TAF5: variants seen among roughly 807,000 people sequenced by gnomAD.
The protein encoded by TAF5 is TATA-box binding protein associated factor 5.
A neutral mutation model predicts 80.9 loss-of-function variants in TAF5; 20 were observed. The observed-to-expected ratio is 0.25, with a 90% CI of 0.17 to 0.36. The LOEUF (loss-of-function observed/expected upper bound fraction) is 0.36, where lower values mean the gene tolerates loss of function less well. Ranked by LOEUF, TAF5 falls within the 10% of genes least tolerant of loss-of-function variation. TAF5 has a pLI of 1.00. For synonymous variants in TAF5, 388 were observed against 406.4 expected (o/e 0.95, Z 0.55); for missense variants, 863 against 1,029.4 (o/e 0.84, Z 2.21).
intron 6 of TAF5, among the ~76,000 whole-genome samples, 160 bp from the exon 7 acceptor site, chr10:103,383,078 G>A (rs756636816): frequency 2.0e-5 from 3 of 152,156 alleles, no homozygotes; most frequent in South Asian, 2.1e-4. Context: ...TCTCTTACAC[G>A]CTGAGATGAT....
chr10:103,381,889 C>T (rs542473463), intron 6 of TAF5, 48 bp downstream of exon 6: 275 of 1,608,112 alleles, frequency 1.7e-4, no homozygotes, highest in Non-Finnish European at 2.2e-4. Flanking sequence ...TAGTCTATAC[C>T]AATCTTGATT....
chr10:103,383,168 T>C (rs1332526531), intron 6 of TAF5, 70 bp from the exon 7 acceptor site: 1 of 1,397,962 alleles, frequency 7.2e-7, no homozygotes, highest in Non-Finnish European at 9.6e-7. Flanking sequence ...TCTCCTGCAC[T>C]GTGATATGAT....
rs2093376945 is a variant in TAF5 at position 103,379,351 on chromosome 10, G to A, written c.1114-257G>A. Among the ~76,000 whole-genome samples the A allele has an allele frequency of 2.6e-5, 4 of 152,256 alleles. No individual in the cohort carries two copies. The South Asian group carries it at 8.3e-4, about 32-fold the overall frequency. The stretch of plus-strand genomic sequence containing the variant: ...TATTTTTTTGATACAACCATACCCA[G>A]TATACTTATATGGACATTCCTAGCT... On this transcript the variant is annotated intron_variant, in intron 3 of 10. Transcript: ENST00000369839.
rs769037968 is a variant in TAF5, at chr10:103,383,495, A to G, written c.1664+128A>G. 154 of 928,600 alleles carry G rather than the reference A, an allele frequency of 1.7e-4. 2 individuals are homozygous for G. The highest frequency in any genetic ancestry group is 2.3e-4 in the Non-Finnish European group (149 of 659,106). The allele number at this position is 928,600 out of a possible 1,614,324, so 57.5% of individuals were successfully genotyped here. ...AAAATCTCATGGTTGTCTGACGTTC[A>G]TCATCTTTTAGAATCTTGCCATTTG... On this transcript the variant is annotated intron_variant, in intron 7 of 10. Transcript: ENST00000369839.
chr10:103,373,601 T>C lies in TAF5; in HGVS notation c.797+6T>C, dbSNP rs1158347209. The C allele has an allele frequency of 6.2e-7, 1 of 1,600,468 alleles. No homozygotes were observed. The highest frequency in any genetic ancestry group is 2.2e-5 in the East Asian group (1 of 44,738). Reference sequence around the variant, plus strand: ...GCAAAGTCATTCTTTGAGAAGTATGTAAATTTTTACATATATATATATACA... The same window carrying C: ...GCAAAGTCATTCTTTGAGAAGTATGCAAATTTTTACATATATATATATACA... On this transcript the variant is annotated splice_donor_region_variant and intron_variant, in intron 2 of 10. Coordinates refer to ENST00000369839, the MANE Select transcript of TAF5 (RefSeq NM_006951.5).
chr10:103,368,690 C>G, intron 1 of TAF5, 142 bp downstream of exon 1: 2 of 1,177,084 alleles, frequency 1.7e-6, no homozygotes, highest in Admixed American at 3.4e-5. Context: ...GCCCCTTTCT[C>G]TAGTGCGCGG....
chr10:103,370,254 A>G (rs572450422), intron 1 of TAF5, among the ~76,000 whole-genome samples: 6 of 151,074 alleles, frequency 4.0e-5, no homozygotes, highest in Admixed American at 2.6e-4. Flanking sequence ...TTTTTTTTAC[A>G]TTAATATTGT....
intron 7 of TAF5, among the ~76,000 whole-genome samples, chr10:103,385,064 C>G (rs2093392667): frequency 6.6e-6 from 1 of 151,908 alleles, no homozygotes; most frequent in Non-Finnish European, 1.5e-5. Flanking sequence ...CTGATTTTCC[C>G]TAAGTTTTTG....
rs753251948 is a variant in TAF5 at position 103,385,311 on chromosome 10, C to CTTCT, written c.1665-14_1665-11dup. ...TTACTCTGGGAGTCAAATATATCACCTTCTCTTCTCTCAGGAACTATCTGC... is the reference window on the plus strand; with the variant it reads ...TTACTCTGGGAGTCAAATATATCACCTTCTTTCTCTTCTCTCAGGAACTATCTGC... On this transcript the variant is annotated splice_polypyrimidine_tract_variant and intron_variant, in intron 7 of 10. Transcript: ENST00000369839. 6.3e-7 allele frequency: 1 copy of CTTCT among 1,592,576 alleles called. No homozygotes were observed. The highest frequency in any genetic ancestry group is 1.1e-5 in the South Asian group (1 of 89,140).
chr10:103,387,770 A>C lies in TAF5; in HGVS notation c.2185+72A>C, dbSNP rs537503529. The C allele has an allele frequency of 3.5e-6, 5 of 1,440,216 alleles. No homozygotes were observed. The African/African-American group carries it at 5.7e-5, about 16-fold the overall frequency. The allele number at this position is 1,440,216 out of a possible 1,614,324, so 89.2% of individuals were successfully genotyped here. A position where few individuals can be genotyped will look rare whatever the true frequency, so the allele number is the denominator to read the frequency against. ...AACAGTGTTGACGACTGCAATACTA[A>C]GTCCTTATGTTTTAGGTTTTACTTC... On this transcript the variant is annotated intron_variant, in intron 10 of 10. Transcript: ENST00000369839.
intron 1 of TAF5, among the ~76,000 whole-genome samples, chr10:103,370,446 C>T (rs1401170403): frequency 6.7e-6 from 1 of 150,222 alleles, no homozygotes; most frequent in Non-Finnish European, 1.5e-5. Flanking sequence ...CTGCCTCAGC[C>T]TCCCGAGTAG....
chr10:103,377,932 C>T (rs1009319940), intron 2 of TAF5, among the ~76,000 whole-genome samples: 8 of 152,078 alleles, frequency 5.3e-5, no homozygotes, highest in Non-Finnish European at 1.2e-4. Flanking sequence ...TAAATGTCTC[C>T]ATTCTAAAGA....
At position 103,368,125 on chromosome 10, in the gene TAF5, G is replaced by T; in HGVS notation, c.136G>T (p.Gly46Cys). The T allele has an allele frequency of 1.4e-6, 2 of 1,399,630 alleles. No individual in the cohort carries two copies. The allele number at this position is 1,399,630 out of a possible 1,614,324, so 86.7% of individuals were successfully genotyped here. Reference sequence around the variant, plus strand: ...CGGCACTACCAACAACGGCCCCAACGGCGGCGGCGGGAACGTTGCGGCGTC... The same window carrying T: ...CGGCACTACCAACAACGGCCCCAACTGCGGCGGCGGGAACGTTGCGGCGTC... The part of the protein sequence containing the change: ...SGGTTNNGPN[G>C]GGGNVAASSS... The change falls in exon 1 of 11, where the codon GGC becomes TGC. Residue 46 changes from glycine (G) to cysteine (C), a missense_variant. Transcript: ENST00000369839.
chr10:103,380,169 G>A (rs559734774), intron 5 of TAF5, 150 bp downstream of exon 5: 25 of 957,078 alleles, frequency 2.6e-5, no homozygotes, highest in Middle Eastern at 5.5e-4. Flanking sequence ...TCGCTCTGTC[G>A]CCCAGCTGGA....
intron 5 of TAF5, among the ~76,000 whole-genome samples, chr10:103,380,465 A>C (rs570869768): frequency 6.6e-6 from 1 of 152,230 alleles, no homozygotes; most frequent in Non-Finnish European, 1.5e-5. Context: ...GCATTCAGGA[A>C]GAGAGAATTG....
chr10:103,387,407 T>C, intron 9 of TAF5, 55 bp downstream of exon 9: 1 of 1,556,878 alleles, frequency 6.4e-7, no homozygotes, highest in Non-Finnish European at 8.7e-7. Context: ...AATAAAAATA[T>C]TTTTTAAACA....
chr10:103,375,499 T>A (rs914680973), intron 2 of TAF5, among the ~76,000 whole-genome samples: 2 of 152,212 alleles, frequency 1.3e-5, no homozygotes, highest in African/African-American at 4.8e-5. Context: ...CTGATTTGAA[T>A]ATGCCTTTGA....
intron 6 of TAF5, 72 bp downstream of exon 6, chr10:103,381,913 A>G: frequency 6.3e-7 from 1 of 1,576,344 alleles, no homozygotes; most frequent in Non-Finnish European, 8.7e-7. Context: ...TGGAAAATAC[A>G]CAGGAGATTG....
chr10:103,368,085 A>C lies in TAF5; in HGVS notation c.96A>C (p.Ala32=). 7.0e-7 allele frequency: 1 copy of C among 1,427,004 alleles called. No individual in the cohort carries two copies. The highest frequency in any genetic ancestry group is 9.2e-7 in the Non-Finnish European group (1 of 1,092,198). The allele number at this position is 1,427,004 out of a possible 1,614,324, so 88.4% of individuals were successfully genotyped here. Residue 32 remains alanine (A), a synonymous_variant, in exon 1 of 11, where the codon GCA becomes GCC. Transcript: ENST00000369839. ...TACCTCCGCAGGCGGGGGACGGCGC[A>C]GGCGAGGGTAGCGGCGGCACTACCA... ...TLLPPQAGDG[A]GEGSGGTTNN...
Sources: allele counts gnomAD v4.1 joint callset (sites outside exome capture counted in the v4.1 genomes callset), GRCh38; gene constraint gnomAD v4.1.1; transcripts MANE v1.5; gene names NCBI Gene and HGNC (gene_info 2026-07-23, HGNC 2026-07-21).